The following KSR2 variants were observed in gnomAD, a reference collection of about 807,000 sequenced individuals.
KSR2 encodes kinase suppressor of ras 2.
Under a neutral mutation model 107.8 loss-of-function variants are expected in KSR2, and 25 were observed. That is an observed-to-expected ratio of 0.23 (90% CI 0.17 to 0.32). The LOEUF is 0.32. Among genes scored for constraint, KSR2 ranks in the 10% least tolerant of loss-of-function variants. The pLI is 1.00. For missense variants in KSR2, 887 were observed against 1,268.9 expected, an observed-to-expected ratio of 0.70 and a Z score of 4.57; for synonymous variants, 480 against 507.0, an observed-to-expected ratio of 0.95 and a Z score of 0.71.
intron 1 of KSR2, among the ~76,000 whole-genome samples, chr12:117,883,800 T>C (rs10774963): frequency 0.53 from 79,828 of 149,662 alleles, 23,749 homozygotes; most frequent in East Asian, 0.88. Context: ...TGCTTAAACC[T>C]GTGAGGCGAA....
rs199898514 is a variant in KSR2, at chr12:117,916,132, C to CTT, written c.180+51942_180+51943dup. ...TTTAAATTTTGAGTTTTTATTTCTT[C>CTT]TTCTTTTTTTTTTTTTTTTTTTGAG... On this transcript the variant is annotated intron_variant, in intron 1 of 19. Coordinates refer to ENST00000339824, the MANE Select transcript of KSR2 (RefSeq NM_173598.6). Among the ~76,000 whole-genome samples the CTT allele has an allele frequency of 1.6e-3, 199 of 125,622 alleles. 3 individuals are homozygous for CTT. Among genetic ancestry groups the CTT allele is most frequent in the African/African-American group, 2.2e-3 (68 of 31,286 alleles). 82.4% of individuals were successfully genotyped at this position (125,622 alleles called of 152,430 possible).
intron 1 of KSR2, among the ~76,000 whole-genome samples, chr12:117,870,433 T>C (rs1893612596): frequency 6.6e-6 from 1 of 151,970 alleles, no homozygotes; most frequent in African/African-American, 2.4e-5. Flanking sequence ...AAACCCCATC[T>C]CTATTAAAAA....
At chr12:117,672,630 CT>C (rs376998902) in intron 4 of KSR2, among the ~76,000 whole-genome samples, 95 of 146,980 alleles carry the variant, frequency 6.5e-4, no homozygotes, top group African/African-American at 1.4e-3. Context: ...ATCCAACAAA[CT>C]TTTTTTTTTT....
At chr12:117,689,935 A>C (rs1267944021) in intron 4 of KSR2, among the ~76,000 whole-genome samples, 1 of 151,934 alleles carries the variant, frequency 6.6e-6, no homozygotes, top group Non-Finnish European at 1.5e-5. Flanking sequence ...GCATGTGTGT[A>C]ATGCATGTGT....
intron 1 of KSR2, among the ~76,000 whole-genome samples, chr12:117,893,146 T>C (rs1466558966): frequency 1.3e-5 from 2 of 151,882 alleles, no homozygotes; most frequent in Non-Finnish European, 2.9e-5. Context: ...GCCTCCCAAG[T>C]AGCTGGGACT....
At chr12:117,720,042 G>C (rs1283276923) in intron 4 of KSR2, among the ~76,000 whole-genome samples, 2 of 152,168 alleles carry the variant, frequency 1.3e-5, no homozygotes, top group African/African-American at 4.8e-5. Flanking sequence ...CTTGAAGTTT[G>C]GAAGCTTGGG....
At chr12:117,467,736 C>A in intron 19 of KSR2, 1 of 407,490 alleles carries the variant, frequency 2.5e-6, no homozygotes. Context: ...ATGTCCACTG[C>A]AGCAAAAGGA....
chr12:117,693,954 A>G (rs1039244957), intron 4 of KSR2, among the ~76,000 whole-genome samples: 1 of 152,174 alleles, frequency 6.6e-6, no homozygotes, highest in African/African-American at 2.4e-5. Flanking sequence ...CCAATTCCAT[A>G]TTCTTTGGTC....
rs1022505795 is a variant in KSR2 at position 117,809,404 on chromosome 12, C to T, written c.472+46024G>A. ...CTAGAAAGGCGAAGTAGCACCCCCA[C>T]CCCCTTCCCCATTTGTGACAAGCCA... On this transcript the variant is annotated intron_variant, in intron 3 of 19. Coordinates refer to ENST00000339824, the MANE Select transcript of KSR2 (RefSeq NM_173598.6). Among the ~76,000 whole-genome samples, 4 of 152,288 alleles carry T rather than the reference C, an allele frequency of 2.6e-5. No homozygotes were observed. The South Asian group carries it at 8.3e-4, about 32-fold the overall frequency.
At chr12:117,467,921 T>TTC in intron 19 of KSR2, 1 of 52,630 alleles carries the variant, frequency 1.9e-5, no homozygotes, top group Non-Finnish European at 3.4e-5. Flanking sequence ...AGTCCTGTGT[T>TTC]TTTTTTTTTT....
intron 7 of KSR2, among the ~76,000 whole-genome samples, chr12:117,562,020 A>G (rs1878158080): frequency 6.6e-6 from 1 of 152,168 alleles, no homozygotes; most frequent in South Asian, 2.1e-4. Flanking sequence ...AAATCAAATA[A>G]TTGCAGATGT....
At chr12:117,786,874 A>G (rs1488047286) in intron 3 of KSR2, among the ~76,000 whole-genome samples, 1 of 151,798 alleles carries the variant, frequency 6.6e-6, no homozygotes, top group Non-Finnish European at 1.5e-5. Context: ...TACTAAAAAT[A>G]CAAAATTGGC....
At chr12:117,693,134 C>G (rs113765835) in intron 4 of KSR2, among the ~76,000 whole-genome samples, 31 of 152,196 alleles carry the variant, frequency 2.0e-4, no homozygotes, top group African/African-American at 7.0e-4. Context: ...TAAGAGGAAG[C>G]CTGGGAGGCC....
chr12:117,581,137 C>G (rs554771248), intron 6 of KSR2, among the ~76,000 whole-genome samples: 1 of 152,218 alleles, frequency 6.6e-6, no homozygotes, highest in African/African-American at 2.4e-5. Context: ...TAACAACTAT[C>G]CTGTCAACAT....
chr12:117,786,055 G>A lies in KSR2; in HGVS notation c.473-24531C>T, dbSNP rs543152989. 2.7e-3 allele frequency among the ~76,000 whole-genome samples: 418 copies of A among 152,024 alleles called. 1 individual carries two copies. Among genetic ancestry groups the A allele is most frequent in the Middle Eastern group, 0.01 (3 of 294 alleles). On this transcript the variant is annotated intron_variant, in intron 3 of 19. Transcript: ENST00000339824. ...ACTGTTGAAAGCCAAAGAAAATCTT[G>A]AAAGCGGCCATTAAAAAAACAATAA...
chr12:117,539,167 TGAGACAC>T (rs1195074071), intron 10 of KSR2, among the ~76,000 whole-genome samples: 1 of 152,074 alleles, frequency 6.6e-6, no homozygotes, highest in Admixed American at 6.5e-5. Context: ...TTTTCAGAGG[TGAGACAC>T]AGCAAGAATG....
At chr12:117,821,800 T>C (rs1432482332) in intron 3 of KSR2, among the ~76,000 whole-genome samples, 1 of 152,164 alleles carries the variant, frequency 6.6e-6, no homozygotes, top group Non-Finnish European at 1.5e-5. Flanking sequence ...CAAAAGAACA[T>C]GGTCTTTGGT....
chr12:117,807,328 A>T (rs2137038933), intron 3 of KSR2, among the ~76,000 whole-genome samples: 1 of 152,362 alleles, frequency 6.6e-6, no homozygotes, highest in South Asian at 2.1e-4. Flanking sequence ...GCTTAGATGC[A>T]GCGTATAAAA....
chr12:117,519,783 C>CGT (rs144376357), intron 14 of KSR2, among the ~76,000 whole-genome samples: 17 of 150,762 alleles, frequency 1.1e-4, no homozygotes, highest in Middle Eastern at 3.4e-3. Flanking sequence ...TGTGTGTGTG[C>CGT]GTGTGTGTGT....
Sources: gnomAD v4.1 joint callset for allele counts (sites outside exome capture counted in the v4.1 genomes callset) on GRCh38, gnomAD v4.1.1 for gene constraint, MANE v1.5 for transcripts, NCBI Gene and HGNC (gene_info 2026-07-23, HGNC 2026-07-21) for gene names.